Variants in DSG1 observed in about 807,000 individuals in gnomAD.
DSG1 encodes desmoglein-1.
A neutral mutation model predicts 97.5 loss-of-function variants in DSG1; 39 were observed. The observed-to-expected ratio is 0.40, with a 90% CI of 0.31 to 0.52. The LOEUF (loss-of-function observed/expected upper bound fraction) is 0.52. DSG1 is among the 20% of genes least tolerant of loss of function. DSG1 has a pLI of 0.53. For synonymous variants in DSG1, 475 were observed against 443.4 expected (o/e 1.07, Z -0.90); for missense variants, 1,311 against 1,295.4 (o/e 1.01, Z -0.18).
intron 8 of DSG1, among the ~76,000 whole-genome samples, chr18:31,334,568 A>C (rs185265141): frequency 6.6e-6 from 1 of 152,326 alleles, no homozygotes; most frequent in South Asian, 2.1e-4. Context: ...AACTGTGTCC[A>C]TGTCAACATT....
intron 1 of DSG1, among the ~76,000 whole-genome samples, chr18:31,321,546 T>C (rs2071653983): frequency 6.6e-6 from 1 of 152,224 alleles, no homozygotes; most frequent in Non-Finnish European, 1.5e-5. Flanking sequence ...TCATAAAAGC[T>C]TTATTATTTC....
chr18:31,328,815 C>A (rs1351791383), intron 4 of DSG1, among the ~76,000 whole-genome samples: 1 of 152,068 alleles, frequency 6.6e-6, no homozygotes, highest in Non-Finnish European at 1.5e-5. Context: ...GTTTTCTGAG[C>A]AAATATACTT....
chr18:31,358,767 T>C lies in DSG1; in HGVS notation c.*3421T>C, dbSNP rs928652721. 7.9e-5 allele frequency among the ~76,000 whole-genome samples: 12 copies of C among 152,080 alleles called. No individual in the cohort carries two copies. Among genetic ancestry groups the C allele is most frequent in the Non-Finnish European group, 1.3e-4 (9 of 67,940 alleles). On this transcript the variant is annotated 3_prime_UTR_variant, in exon 15 of 15. Transcript: ENST00000257192. ...CCTATTTCATAAATTCCAACTTTTT[T>C]TTTTACAATTTCTGGATTTTTAAGA...
chr18:31,335,115 A>C (rs1329876436), intron 8 of DSG1, among the ~76,000 whole-genome samples: 1 of 152,136 alleles, frequency 6.6e-6, no homozygotes, highest in Non-Finnish European at 1.5e-5. Flanking sequence ...TTAAAGTGTC[A>C]CCATGCCTAC....
rs780289743 is a variant in DSG1 at position 31,355,200 on chromosome 18, G to A, written c.3004G>A (p.Gly1002Ser). 1 of 1,602,790 alleles carries A rather than the reference G, an allele frequency of 6.2e-7. No individual in the cohort carries two copies. Among genetic ancestry groups the A allele is most frequent in the East Asian group, 2.2e-5 (1 of 44,732 alleles). The change falls in exon 15 of 15, where the codon GGC becomes AGC. Residue 1002 changes from glycine (G) to serine (S), a missense_variant. Around this residue, in one of 3 missense-constraint regions of DSG1, gnomAD observed 1,038 missense variants for 964.6 expected, o/e 1.08. Coordinates refer to ENST00000257192, the MANE Select transcript of DSG1 (RefSeq NM_001942.4). The part of the protein sequence containing the change: ...SGAGISGGGI[G>S]LSSLGGTASI... ...AGCTGGCATAAGTGGTGGTGGCATT[G>A]GCCTGAGCAGCTTGGGAGGGACAGC...
chr18:31,341,638 T>C (rs1045929662), intron 11 of DSG1, among the ~76,000 whole-genome samples: 8 of 151,998 alleles, frequency 5.3e-5, no homozygotes, highest in Admixed American at 3.3e-4. Context: ...AAAAGTTCTA[T>C]GAAACAGAGA....
chr18:31,337,403 C>G (rs1011252766), intron 9 of DSG1, among the ~76,000 whole-genome samples: 7 of 152,016 alleles, frequency 4.6e-5, no homozygotes, highest in African/African-American at 1.7e-4. Flanking sequence ...ATTACAGGCA[C>G]CTGCTACCAC....
chr18:31,346,309 C>A, intron 14 of DSG1, 111 bp downstream of exon 14: 1 of 903,482 alleles, frequency 1.1e-6, no homozygotes, highest in Non-Finnish European at 1.8e-6. Context: ...ACTAGATTCT[C>A]AGCCTTTAGT....
At chr18:31,348,101 G>A (rs1026159782) in intron 14 of DSG1, among the ~76,000 whole-genome samples, 2 of 148,922 alleles carry the variant, frequency 1.3e-5, no homozygotes, top group East Asian at 2.0e-4. Flanking sequence ...TATATCTCCC[G>A]ATGCTATCCC....
intron 14 of DSG1, among the ~76,000 whole-genome samples, chr18:31,346,658 C>G (rs748462812): frequency 3.9e-5 from 6 of 152,114 alleles, no homozygotes; most frequent in Non-Finnish European, 7.4e-5. Flanking sequence ...GTCCAAATAT[C>G]ACTCTCCCTC....
Position 31,354,916 on chromosome 18 carries a change from C to A in DSG1, c.2720C>A (p.Thr907Asn), listed in dbSNP as rs1419850379. 6.2e-7 allele frequency: 1 copy of A among 1,614,210 alleles called. No homozygotes were observed. The highest frequency in any genetic ancestry group is 8.5e-7 in the Non-Finnish European group (1 of 1,180,032). The change falls in exon 15 of 15, where the codon ACC becomes AAC. Residue 907 changes from threonine (T) to asparagine (N), a missense_variant. This residue lies in a region of DSG1 where 1,038 missense variants were observed against 964.6 expected (regional missense o/e 1.08). Transcript: ENST00000257192. Reference sequence around the variant, plus strand: ...ATAGCACCAAGCTCTAGTCTACCCACCTCTCTGACTATCCATCATCCTAGA... The same window carrying A: ...ATAGCACCAAGCTCTAGTCTACCCAACTCTCTGACTATCCATCATCCTAGA... ...RVIAPSSSLP[T>N]SLTIHHPRES...
rs2071948204 is a variant in DSG1 at position 31,355,400 on chromosome 18, C to G, written c.*54C>G. 6.4e-7 allele frequency: 1 copy of G among 1,563,218 alleles called. No individual in the cohort carries two copies. The highest frequency in any genetic ancestry group is 8.8e-7 in the Non-Finnish European group (1 of 1,138,472). ...CATTGTGGTTTAGATCCAATTCCCA[C>G]CACTAAAAAACCAACAATGTGATTT... is the stretch of plus-strand genomic sequence containing the variant. On this transcript the variant is annotated 3_prime_UTR_variant, in exon 15 of 15. Coordinates refer to ENST00000257192, the MANE Select transcript of DSG1 (RefSeq NM_001942.4).
chr18:31,320,949 T>C (rs1379777146), intron 1 of DSG1, among the ~76,000 whole-genome samples: 3 of 152,178 alleles, frequency 2.0e-5, no homozygotes. Context: ...AATCTGAAGA[T>C]GTCTTTTTCT....
intron 11 of DSG1, among the ~76,000 whole-genome samples, chr18:31,340,696 A>G (rs2071783847): frequency 6.6e-6 from 1 of 152,216 alleles, no homozygotes; most frequent in South Asian, 2.1e-4. Context: ...CAAAAACCTA[A>G]AAGAATGAGA....
At chr18:31,341,015 G>A (rs1372886856) in intron 11 of DSG1, among the ~76,000 whole-genome samples, 1 of 152,142 alleles carries the variant, frequency 6.6e-6, no homozygotes, top group African/African-American at 2.4e-5. Flanking sequence ...CACACATGAA[G>A]CATTTAGCAT....
At chr18:31,348,569 G>C (rs372669744) in intron 14 of DSG1, among the ~76,000 whole-genome samples, 14,093 of 150,622 alleles carry the variant, frequency 0.094, 926 homozygotes, top group African/African-American at 0.19. Flanking sequence ...GGTTGAACTA[G>C]TTTACAGTCC....
At chr18:31,338,505 CT>C (rs758658377) in intron 10 of DSG1, 51 bp downstream of exon 10, 1 of 1,578,076 alleles carries the variant, frequency 6.3e-7, no homozygotes, top group East Asian at 2.3e-5. Context: ...CTGTATATAC[CT>C]TAAGATATTA....
chr18:31,333,816 T>A (rs2071735335), intron 7 of DSG1, 93 bp downstream of exon 7: 3 of 1,477,686 alleles, frequency 2.0e-6, no homozygotes, highest in Non-Finnish European at 2.8e-6. Flanking sequence ...ATGTTATGTT[T>A]ATTGACATAC....
rs965651512 is a variant in DSG1, at chr18:31,354,483, C to T, written c.2287C>T (p.Leu763=). ...ATTTAAGAAGTTGGCAGACATCAGC[C>T]TAGGAAAAGAATCATATCCAGACCT... ...PKFKKLADIS[L]GKESYPDLDP... Residue 763 remains leucine (L), a synonymous_variant, in exon 15 of 15, where the codon CTA becomes TTA. Transcript: ENST00000257192. 2.5e-6 allele frequency: 4 copies of T among 1,614,166 alleles called. No individual in the cohort carries two copies. Among genetic ancestry groups the T allele is most frequent in the Non-Finnish European group, 3.4e-6 (4 of 1,180,030 alleles).
Sources: allele counts gnomAD v4.1 joint callset (sites outside exome capture counted in the v4.1 genomes callset), GRCh38; gene constraint gnomAD v4.1.1; regional missense constraint gnomAD v4.1.1; transcripts MANE v1.5; gene names NCBI Gene and HGNC (gene_info 2026-07-23, HGNC 2026-07-21).